Variants in SRBD1 observed in about 807,000 individuals in gnomAD.
SRBD1 encodes S1 RNA binding domain 1.
Under a neutral mutation model 115.3 loss-of-function variants are expected in SRBD1, and 88 were observed. That is an observed-to-expected ratio of 0.76 (90% confidence interval 0.64 to 0.91). The LOEUF is 0.91. SRBD1 is among the 40% of genes least tolerant of loss of function. The pLI is 0.00. For synonymous variants in SRBD1, 509 were observed against 407.7 expected (o/e 1.25, Z -2.99); for missense variants, 1,385 against 1,177.4 (o/e 1.18, Z -2.58).
At chr2:45,501,233 A>C (rs1670620887) in intron 14 of SRBD1, among the ~76,000 whole-genome samples, 1 of 152,188 alleles carries the variant, frequency 6.6e-6, no homozygotes, top group South Asian at 2.1e-4. Flanking sequence ...GATGAATCTC[A>C]CTTGAAACAC....
At chr2:45,414,719 T>TAC (rs372893503) in intron 18 of SRBD1, among the ~76,000 whole-genome samples, 833 of 81,374 alleles carry the variant, frequency 0.01, 35 homozygotes, top group African/African-American at 0.023. Flanking sequence ...AGTATGTATA[T>TAC]ACACACACAC....
chr2:45,502,093 T>G (rs1489163804), intron 14 of SRBD1, among the ~76,000 whole-genome samples: 2 of 152,174 alleles, frequency 1.3e-5, no homozygotes, highest in African/African-American at 4.8e-5. Context: ...AGACGAAGCT[T>G]CCAGAGGAAC....
intron 1 of SRBD1, 109 bp downstream of exon 1, chr2:45,611,110 G>C (rs923258317): frequency 6.6e-6 from 1 of 152,190 alleles, no homozygotes; most frequent in Non-Finnish European, 1.5e-5. Flanking sequence ...GGGTGTTATT[G>C]CCCAAATGAG....
chr2:45,483,305 A>G (rs1670021077), intron 15 of SRBD1, among the ~76,000 whole-genome samples: 1 of 152,106 alleles, frequency 6.6e-6, no homozygotes, highest in Non-Finnish European at 1.5e-5. Context: ...AAAGTTAAGC[A>G]TTAGAGAAAA....
intron 14 of SRBD1, among the ~76,000 whole-genome samples, chr2:45,515,615 A>G (rs1006759029): frequency 2.0e-5 from 3 of 152,124 alleles, no homozygotes; most frequent in Admixed American, 6.5e-5. Context: ...ACTTGGCACT[A>G]TATTACCTCC....
intron 4 of SRBD1, among the ~76,000 whole-genome samples, chr2:45,598,126 A>G (rs921818077): frequency 6.6e-6 from 1 of 152,240 alleles, no homozygotes; most frequent in Non-Finnish European, 1.5e-5. Context: ...CAGGTAGTCC[A>G]TGGACCACAC....
chr2:45,392,876 G>T, intron 20 of SRBD1, 69 bp downstream of exon 20: 1 of 1,391,898 alleles, frequency 7.2e-7, no homozygotes, highest in Non-Finnish European at 9.7e-7. Flanking sequence ...TAGGATTGCT[G>T]TGAGGATCAA....
intron 7 of SRBD1, among the ~76,000 whole-genome samples, chr2:45,578,175 A>G (rs1673236724): frequency 6.6e-6 from 1 of 152,236 alleles, no homozygotes; most frequent in Non-Finnish European, 1.5e-5. Flanking sequence ...AAATAAAAAT[A>G]AAAGCAGTCG....
chr2:45,406,872 A>AC (rs949601749), intron 19 of SRBD1, among the ~76,000 whole-genome samples: 3 of 151,934 alleles, frequency 2.0e-5, no homozygotes, highest in Admixed American at 2.0e-4. Flanking sequence ...TATTCCAGAT[A>AC]CTTTTTTTTT....
intron 4 of SRBD1, among the ~76,000 whole-genome samples, chr2:45,588,253 C>T (rs1333479261): frequency 6.6e-6 from 1 of 152,170 alleles, no homozygotes; most frequent in African/African-American, 2.4e-5. Context: ...TACCATGACC[C>T]AAAAGAAAGC....
At chr2:45,493,866 G>A (rs184288011) in intron 14 of SRBD1, among the ~76,000 whole-genome samples, 24 of 151,684 alleles carry the variant, frequency 1.6e-4, no homozygotes, top group African/African-American at 5.1e-4. Flanking sequence ...GAGGACATAC[G>A]GAAACAAGCA....
chr2:45,526,453 A>G (rs1472705396), intron 14 of SRBD1, among the ~76,000 whole-genome samples: 1 of 151,956 alleles, frequency 6.6e-6, no homozygotes, highest in Non-Finnish European at 1.5e-5. Flanking sequence ...GGAGTAGGGA[A>G]GGTGAGAATG....
rs755379344 is a variant in SRBD1, at chr2:45,599,450, T to A, written c.647A>T (p.Gln216Leu). The A allele has an allele frequency of 1.9e-6, 3 of 1,612,462 alleles. No individual in the cohort carries two copies. The highest frequency in any genetic ancestry group is 2.5e-6 in the Non-Finnish European group (3 of 1,179,130). Residue 216 changes from glutamine (Q) to leucine (L), a missense_variant and splice_region_variant, in exon 4 of 21, where the codon CAG becomes CTG. Gln to Leu is a moderately radical substitution (Grantham distance 113, BLOSUM62 -2). Transcript: ENST00000263736. ...GTGACAGAAAAAGGCTGCACATACC[T>A]GTACCATGTCCCAATTCATTTCCAC... ...EEVEMNWDMV[Q>L]VLSERTNIEP...
intron 14 of SRBD1, among the ~76,000 whole-genome samples, chr2:45,523,950 A>C (rs557549756): frequency 2.0e-5 from 3 of 152,166 alleles, no homozygotes; most frequent in South Asian, 2.1e-4. Context: ...AAATCCAACA[A>C]CACCATCACC....
rs751017732 is a variant in SRBD1 at position 45,579,998 on chromosome 2, T to C, written c.949A>G (p.Thr317Ala). Residue 317 changes from threonine to alanine, a missense_variant, in exon 7 of 21, where the codon ACT becomes GCT. Physicochemically the swap from Thr to Ala is moderately conservative, Grantham distance 58. Coordinates refer to ENST00000263736, the MANE Select transcript of SRBD1 (RefSeq NM_018079.5). The stretch of plus-strand genomic sequence containing the variant: ...TGGGCTTTAGTCCCTTTGCTTCCAG[T>C]TTTATATGGAGCAGACTAGAAAATA... ...ELEHVSAPYK[T>A]GSKGTKAQRA... 5 of 1,582,676 alleles carry C rather than the reference T, an allele frequency of 3.2e-6. No individual in the cohort carries two copies. The African/African-American group carries it at 5.5e-5, about 17-fold the overall frequency.
Position 45,554,345 on chromosome 2 carries a change from A to G in SRBD1, c.1410-615T>C, listed in dbSNP as rs140086851. On this transcript the variant is annotated intron_variant, in intron 10 of 20. Transcript: ENST00000263736. ...AGCCTCCAGAACTATGAGAAAATAA[A>G]TTACTCCGGTTGAAGCCACATAGTC... is the stretch of plus-strand genomic sequence containing the variant. Among the ~76,000 whole-genome samples, 1,088 of 152,296 alleles carry G rather than the reference A, an allele frequency of 7.1e-3. 18 individuals carry two copies. The highest frequency in any genetic ancestry group is 6.1e-3 in the Non-Finnish European group (415 of 68,022).
chr2:45,415,029 T>C (rs867237816), intron 18 of SRBD1, among the ~76,000 whole-genome samples: 3 of 68,956 alleles, frequency 4.4e-5, no homozygotes, highest in Non-Finnish European at 7.4e-5. Context: ...TACACACATA[T>C]AGTGTGTATA....
chr2:45,405,373 A>G (rs1226079537), intron 19 of SRBD1, among the ~76,000 whole-genome samples: 1 of 152,200 alleles, frequency 6.6e-6, no homozygotes. Context: ...TGATAAAAGA[A>G]GATGGAGTTG....
chr2:45,609,519 C>T (rs969413226), intron 1 of SRBD1, among the ~76,000 whole-genome samples: 1 of 152,184 alleles, frequency 6.6e-6, no homozygotes, highest in Non-Finnish European at 1.5e-5. Flanking sequence ...TACTTCCCAC[C>T]CCATCCTTCA....
Sources: allele counts gnomAD v4.1 joint callset (sites outside exome capture counted in the v4.1 genomes callset), GRCh38; gene constraint gnomAD v4.1.1; transcripts MANE v1.5; gene names NCBI Gene and HGNC (gene_info 2026-07-23, HGNC 2026-07-21).